RANGAP1: variants seen among roughly 807,000 people sequenced by gnomAD.
RANGAP1 encodes ran GTPase-activating protein 1.
In RANGAP1, 38 loss-of-function variants were observed where a neutral mutation model predicts 63.5. That is an observed-to-expected ratio of 0.60 (90% CI 0.46 to 0.78). The LOEUF is 0.78. Ranked by LOEUF, RANGAP1 falls within the 30% of genes least tolerant of loss-of-function variation. RANGAP1 has a pLI of 0.00. For synonymous variants in RANGAP1, 329 were observed against 310.5 expected (o/e 1.06, Z -0.63); for missense variants, 630 against 740.3 (o/e 0.85, Z 1.73).
At chr22:41,246,701 G>A in intron 15 of RANGAP1, 29 bp from the exon 16 acceptor site, 2 of 1,522,340 alleles carry the variant, frequency 1.3e-6, no homozygotes, top group Non-Finnish European at 1.8e-6. Flanking sequence ...CAGCAGGTCG[G>A]TGGATGCCTC....
At chr22:41,296,093 A>T in the RANGAP1 span, among the ~76,000 whole-genome samples, 1 of 150,552 alleles carries the variant, frequency 6.6e-6, no homozygotes, top group East Asian at 1.9e-4. Flanking sequence ...GAATGTCCTC[A>T]GAAAAAGATA....
intron 15 of RANGAP1, among the ~76,000 whole-genome samples, chr22:41,248,038 C>T (rs893096667): frequency 1.3e-5 from 2 of 152,204 alleles, no homozygotes; most frequent in Non-Finnish European, 1.5e-5. Flanking sequence ...ACTACTCTGA[C>T]CAGGGGGCAG....
chr22:41,289,587 C>T (rs1256475437), upstream of RANGAP1, among the ~76,000 whole-genome samples: 1 of 152,040 alleles, frequency 6.6e-6, no homozygotes, highest in African/African-American at 2.4e-5. Context: ...CACGCCATTG[C>T]ACTCCAGCCT....
chr22:41,301,515 G>A, the RANGAP1 span: 1 of 152,142 alleles, frequency 6.6e-6, no homozygotes, highest in Non-Finnish European at 1.5e-5. Flanking sequence ...CGAGGAGGAA[G>A]AGCTGCAGGG....
At chr22:41,299,877 G>T in the RANGAP1 span, among the ~76,000 whole-genome samples, 1 of 151,986 alleles carries the variant, frequency 6.6e-6, no homozygotes, top group Admixed American at 6.6e-5. Flanking sequence ...TCAGCCTCCT[G>T]TGTAGCTGGG....
chr22:41,270,608 C>T (rs142306668), intron 3 of RANGAP1, among the ~76,000 whole-genome samples: 3 of 152,308 alleles, frequency 2.0e-5, no homozygotes, highest in African/African-American at 7.2e-5. Flanking sequence ...CCAACACACC[C>T]AGCTAATTTT....
intron 1 of RANGAP1, chr22:41,285,334 G>A (rs2035699436): frequency 8.5e-6 from 2 of 235,974 alleles, no homozygotes; most frequent in African/African-American, 2.3e-5. Context: ...AAGAGAGAGC[G>A]AGACAGAGAT....
At chr22:41,261,286 C>T (rs1162025065) in intron 6 of RANGAP1, among the ~76,000 whole-genome samples, 160 bp downstream of exon 6, 1 of 152,238 alleles carries the variant, frequency 6.6e-6, no homozygotes, top group Admixed American at 6.5e-5. Flanking sequence ...GACAGGAATT[C>T]TGGCTCATTT....
intron 3 of RANGAP1, among the ~76,000 whole-genome samples, chr22:41,270,947 CAGCA>C (rs2034779935): frequency 6.6e-6 from 1 of 152,096 alleles, no homozygotes; most frequent in African/African-American, 2.4e-5. Flanking sequence ...GCTGAACAGT[CAGCA>C]TAGGACTCTA....
the RANGAP1 span, among the ~76,000 whole-genome samples, chr22:41,300,473 C>CACACACAT: frequency 2.5e-5 from 1 of 40,302 alleles, no homozygotes; most frequent in South Asian, 6.9e-4. Context: ...CACACACACA[C>CACACACAT]ACACACATAT....
At chr22:41,284,982 G>C (rs1222663179) in intron 1 of RANGAP1, 3 of 152,074 alleles carry the variant, frequency 2.0e-5, no homozygotes, top group Admixed American at 6.6e-5. Flanking sequence ...AACAGAATGA[G>C]ACCCTGTCTC....
At chr22:41,296,647 C>CAAAAAAAAA in the RANGAP1 span, among the ~76,000 whole-genome samples, 1 of 76,852 alleles carries the variant, frequency 1.3e-5, no homozygotes, top group African/African-American at 4.9e-5. Flanking sequence ...ACTCCATCTC[C>CAAAAAAAAA]AAAAAAAAAA....
intron 13 of RANGAP1, among the ~76,000 whole-genome samples, chr22:41,250,553 G>A (rs539924141): frequency 5.4e-4 from 82 of 152,278 alleles, no homozygotes; most frequent in Non-Finnish European, 9.4e-4. Context: ...TGATAGGGCT[G>A]GAGGGATATG....
chr22:41,261,408 T>C, intron 6 of RANGAP1, 38 bp downstream of exon 6: 1 of 1,613,510 alleles, frequency 6.2e-7, no homozygotes, highest in African/African-American at 1.3e-5. Context: ...CGAGTGCACC[T>C]CAAGGCTGCA....
At chr22:41,267,589 G>A (rs77182962) in intron 4 of RANGAP1, among the ~76,000 whole-genome samples, 2,034 of 152,146 alleles carry the variant, frequency 0.013, 50 homozygotes, top group African/African-American at 0.047. Flanking sequence ...CTGGGAACTC[G>A]ACCCAAGCCA....
chr22:41,258,385 G>A (rs1269249798), intron 6 of RANGAP1, among the ~76,000 whole-genome samples: 2 of 152,212 alleles, frequency 1.3e-5, no homozygotes. Flanking sequence ...CCAGCAGGTC[G>A]ATTTCTTGTT....
At chr22:41,273,404 C>G (rs1258631488) in intron 3 of RANGAP1, among the ~76,000 whole-genome samples, 4 of 152,132 alleles carry the variant, frequency 2.6e-5, no homozygotes, top group African/African-American at 7.2e-5. Context: ...GTTTGGGGAA[C>G]ACGGGGCTAG....
At chr22:41,287,706 G>C (rs2035787300), upstream of RANGAP1, among the ~76,000 whole-genome samples, 1 of 151,830 alleles carries the variant, frequency 6.6e-6, no homozygotes, top group African/African-American at 2.4e-5. Context: ...GATCATGCAG[G>C]CTGGGCGCAG....
chr22:41,280,786 T>C (rs772538264), intron 2 of RANGAP1, 147 bp downstream of exon 2: 2 of 1,526,990 alleles, frequency 1.3e-6, no homozygotes, highest in South Asian at 2.4e-5. Context: ...TGAGCCTCAT[T>C]GTTAGAATAG....
Sources: allele counts gnomAD v4.1 joint callset (sites outside exome capture counted in the v4.1 genomes callset), GRCh38; gene constraint gnomAD v4.1.1; transcripts MANE v1.5; gene names NCBI Gene and HGNC (gene_info 2026-07-23, HGNC 2026-07-21).